SHISA9: variants seen among roughly 807,000 people sequenced by gnomAD.
SHISA9 encodes shisa family member 9.
A neutral mutation model predicts 38.0 loss-of-function variants in SHISA9; 13 were observed. The ratio of observed to expected loss-of-function variants is 0.34; its 90% CI spans 0.22 to 0.54. SHISA9 has a LOEUF of 0.54. SHISA9 is among the 20% of genes least tolerant of loss of function. SHISA9 has a pLI of 0.91. For synonymous variants in SHISA9, 275 were observed against 242.0 expected, an observed-to-expected ratio of 1.14 and a Z score of -1.27; for missense variants, 538 against 575.8, an observed-to-expected ratio of 0.93 and a Z score of 0.67.
intron 2 of SHISA9, among the ~76,000 whole-genome samples, chr16:13,019,125 G>A (rs1032356650): frequency 6.6e-6 from 1 of 151,956 alleles, no homozygotes; most frequent in South Asian, 2.1e-4. Flanking sequence ...TTACCCTCCC[G>A]AGTAGCTGGA....
chr16:13,206,435 C>T (rs376207334), intron 3 of SHISA9, among the ~76,000 whole-genome samples: 6 of 152,268 alleles, frequency 3.9e-5, no homozygotes, highest in African/African-American at 1.4e-4. Context: ...ACACCAGAAC[C>T]CAAAGCACTG....
the SHISA9 span, among the ~76,000 whole-genome samples, chr16:13,256,029 T>C: frequency 2.0e-5 from 3 of 152,198 alleles, no homozygotes; most frequent in African/African-American, 4.8e-5. Flanking sequence ...TATTTTACTA[T>C]TTTTGACCTT....
At chr16:13,182,816 C>CA (rs2050789487) in intron 2 of SHISA9, among the ~76,000 whole-genome samples, 1 of 151,956 alleles carries the variant, frequency 6.6e-6, no homozygotes, top group Admixed American at 6.6e-5. Context: ...ACAACAACAA[C>CA]AAAAAACAAT....
intron 2 of SHISA9, among the ~76,000 whole-genome samples, chr16:13,106,660 T>C (rs2073927927): frequency 6.6e-6 from 1 of 152,182 alleles, no homozygotes; most frequent in Non-Finnish European, 1.5e-5. Context: ...TGAATTACCC[T>C]GATCACAGGG....
chr16:13,181,312 T>TATATATACAC (rs1555468744), intron 2 of SHISA9, among the ~76,000 whole-genome samples: 4 of 34,098 alleles, frequency 1.2e-4, no homozygotes, highest in African/African-American at 4.8e-4. Flanking sequence ...TATATATATA[T>TATATATACAC]ACACACACAC....
chr16:13,348,789 G>A, the SHISA9 span, among the ~76,000 whole-genome samples: 1,882 of 152,128 alleles, frequency 0.012, 33 homozygotes, highest in African/African-American at 0.043. Context: ...GATTGAAGGG[G>A]CCCGAGAAGA....
intron 4 of SHISA9, among the ~76,000 whole-genome samples, chr16:13,222,538 G>A (rs906542518): frequency 1.4e-4 from 21 of 152,102 alleles, no homozygotes; most frequent in Non-Finnish European, 2.6e-4. Flanking sequence ...TCACTGGTGC[G>A]ATATCAGTCT....
chr16:13,258,703 A>G, the SHISA9 span, among the ~76,000 whole-genome samples: 3 of 152,230 alleles, frequency 2.0e-5, no homozygotes, highest in Admixed American at 2.0e-4. Context: ...TAGCAAGAGA[A>G]AAAATGAGGA....
chr16:13,172,211 T>A (rs1432738145), intron 2 of SHISA9, among the ~76,000 whole-genome samples: 2 of 152,230 alleles, frequency 1.3e-5, no homozygotes. Context: ...ATCAGTTGGT[T>A]ATCAAATCAG....
the SHISA9 span, among the ~76,000 whole-genome samples, chr16:13,415,559 C>A: frequency 1.3e-5 from 2 of 152,054 alleles, no homozygotes. Context: ...CCTATATAAC[C>A]AACCTGCACA....
At chr16:13,473,349 CTTT>C in the SHISA9 span, among the ~76,000 whole-genome samples, 2 of 73,904 alleles carry the variant, frequency 2.7e-5, no homozygotes, top group African/African-American at 1.0e-4. Context: ...TTCTTTCTTT[CTTT>C]TTTTTTTTTT....
At chr16:13,019,931 C>T (rs1385367382) in intron 2 of SHISA9, among the ~76,000 whole-genome samples, 3 of 95,052 alleles carry the variant, frequency 3.2e-5, no homozygotes, top group African/African-American at 7.4e-5. Flanking sequence ...TTCTTTCTTT[C>T]TTTCTTTCTT....
intron 3 of SHISA9, among the ~76,000 whole-genome samples, chr16:13,204,139 T>TATCTATCC (rs988578395): frequency 1.4e-5 from 1 of 72,234 alleles, no homozygotes; most frequent in Admixed American, 1.2e-4. Flanking sequence ...ACCTATTATC[T>TATCTATCC]ATCTATCTAT....
chr16:13,315,270 G>A, the SHISA9 span, among the ~76,000 whole-genome samples: 1 of 152,182 alleles, frequency 6.6e-6, no homozygotes, highest in Non-Finnish European at 1.5e-5. Flanking sequence ...GTCTTTAAAA[G>A]GAGACACATA....
chr16:13,524,560 T>C, the SHISA9 span, among the ~76,000 whole-genome samples: 1 of 152,236 alleles, frequency 6.6e-6, no homozygotes, highest in African/African-American at 2.4e-5. Flanking sequence ...CATTTTGGGC[T>C]GGGTCAAAAA....
At chr16:12,928,314 T>TTGTGTGTGTG (rs55763909) in intron 2 of SHISA9, among the ~76,000 whole-genome samples, 34,216 of 150,894 alleles carry the variant, frequency 0.23, 3,970 homozygotes, top group South Asian at 0.34. Context: ...CAGAGGTTGG[T>TTGTGTGTGTG]TGTGTGTGTG....
the SHISA9 span, among the ~76,000 whole-genome samples, chr16:13,296,939 G>T: frequency 3.8e-5 from 5 of 131,492 alleles, no homozygotes; most frequent in South Asian, 2.7e-4. Flanking sequence ...CTTTCTCGTT[G>T]TAAAAATGTC....
At chr16:12,937,566 C>T (rs1038502470) in intron 2 of SHISA9, among the ~76,000 whole-genome samples, 1 of 152,202 alleles carries the variant, frequency 6.6e-6, no homozygotes, top group Admixed American at 6.5e-5. Context: ...GGTAGACATA[C>T]CAGACCAAGT....
At chr16:13,162,881 A>T (rs1429936367) in intron 2 of SHISA9, among the ~76,000 whole-genome samples, 1 of 152,020 alleles carries the variant, frequency 6.6e-6, no homozygotes, top group Non-Finnish European at 1.5e-5. Flanking sequence ...AGCACATCTT[A>T]TTTTATCACC....
Sources: allele counts gnomAD v4.1 joint callset (sites outside exome capture counted in the v4.1 genomes callset), GRCh38; gene constraint gnomAD v4.1.1; transcripts MANE v1.5; gene names NCBI Gene and HGNC (gene_info 2026-07-23, HGNC 2026-07-21).